Variants in ANK1 observed in about 807,000 individuals in gnomAD.
The protein encoded by ANK1 is ankyrin-1.
ANK1 carries 51 observed loss-of-function variants against 210.4 expected under a neutral mutation model. The ratio of observed to expected loss-of-function variants is 0.24; its 90% CI spans 0.19 to 0.31. The LOEUF (loss-of-function observed/expected upper bound fraction) is 0.31. ANK1 is among the 10% of genes least tolerant of loss of function. ANK1 has a pLI of 1.00. For missense variants in ANK1, 2,051 were observed against 2,504.4 expected (o/e 0.82, Z 3.86); for synonymous variants, 967 against 1,025.9 (o/e 0.94, Z 1.10).
rs1357021247 is a variant in ANK1 at position 41,654,774 on chromosome 8, C to T, written c.*1016G>A. On this transcript the variant is annotated 3_prime_UTR_variant, in exon 43 of 43. Transcript: ENST00000289734. Reference sequence around the variant, plus strand: ...GTACAGTTTACACTTTGAACACGGACTATGATATAGTGCTTGAAGACATAG... The same window carrying T: ...GTACAGTTTACACTTTGAACACGGATTATGATATAGTGCTTGAAGACATAG... 1 of 152,686 alleles carries T rather than the reference C, an allele frequency of 6.5e-6. No homozygotes were observed. The highest frequency in any genetic ancestry group is 1.5e-5 in the Non-Finnish European group (1 of 68,060). 9.5% of individuals were successfully genotyped at this position (152,686 alleles called of 1,614,324 possible). A position where few individuals can be genotyped will look rare whatever the true frequency, so the allele number is the denominator to read the frequency against.
intron 42 of ANK1, among the ~76,000 whole-genome samples, chr8:41,657,004 C>T (rs1247024498): frequency 6.6e-6 from 1 of 152,142 alleles, no homozygotes; most frequent in Non-Finnish European, 1.5e-5. Flanking sequence ...CCTCTGAACA[C>T]GCTCTACCCT....
chr8:41,681,033 C>T (rs901723386), intron 37 of ANK1, among the ~76,000 whole-genome samples: 3 of 152,182 alleles, frequency 2.0e-5, no homozygotes, highest in Non-Finnish European at 4.4e-5. Context: ...AGCATACAGT[C>T]AAGTGGTCCC....
In ANK1 at chr8:41,718,134, G is replaced by A. The variant is rs563833117; in HGVS notation, c.1178C>T (p.Thr393Met). 5.4e-5 allele frequency: 87 copies of A among 1,614,000 alleles called. No individual in the cohort carries two copies. The South Asian group carries it at 6.0e-4, about 11-fold the overall frequency. ...HVRVMELLLK[T>M]GASIDAVTES... ...GGTGACCGCGTCGATCGAGGCTCCC[G>A]TCTTCAGCAGCAGCTCCATGACACG... Residue 393 changes from threonine (T) to methionine (M), a missense_variant, in exon 11 of 43, where the codon ACG becomes ATG. Coordinates refer to ENST00000289734, the MANE Select transcript of ANK1 (RefSeq NM_000037.4).
rs1805436476 is a variant in ANK1 at position 41,655,764 on chromosome 8, C to A, written c.*37-11G>T. 2.5e-6 allele frequency: 4 copies of A among 1,613,776 alleles called. No homozygotes were observed. The highest frequency in any genetic ancestry group is 1.1e-5 in the South Asian group (1 of 91,072). ...TGTCGAGGTGTGATCCTGGGAGACA[C>A]AAAGAGAGAAGGAGTCACTTAGAAT... is the stretch of plus-strand genomic sequence containing the variant. On this transcript the variant is annotated splice_polypyrimidine_tract_variant and intron_variant, in intron 42 of 42. Transcript: ENST00000289734.
At chr8:41,869,679 CTG>C (rs1563937947) in intron 1 of ANK1, among the ~76,000 whole-genome samples, 1 of 152,206 alleles carries the variant, frequency 6.6e-6, no homozygotes, top group East Asian at 1.9e-4. Context: ...GAAAAGCACA[CTG>C]TGAGAACTCA....
At chr8:41,754,225 T>C (rs923488834) in intron 2 of ANK1, among the ~76,000 whole-genome samples, 1 of 152,238 alleles carries the variant, frequency 6.6e-6, no homozygotes, top group African/African-American at 2.4e-5. Flanking sequence ...AGGAAGTACA[T>C]TAGACACAGG....
chr8:41,858,079 A>T (rs1812554829), intron 1 of ANK1, among the ~76,000 whole-genome samples: 1 of 152,130 alleles, frequency 6.6e-6, no homozygotes, highest in Non-Finnish European at 1.5e-5. Flanking sequence ...AATAGTTTTT[A>T]AAAATTATCC....
chr8:41,838,665 C>A (rs1422229812), intron 1 of ANK1, among the ~76,000 whole-genome samples: 1 of 151,850 alleles, frequency 6.6e-6, no homozygotes, highest in East Asian at 1.9e-4. Flanking sequence ...ACTCAGGAGG[C>A]TGGGCAGGAG....
intron 12 of ANK1, among the ~76,000 whole-genome samples, 155 bp downstream of exon 12, chr8:41,717,449 G>A (rs1005629791): frequency 4.6e-4 from 70 of 152,204 alleles, no homozygotes; most frequent in African/African-American, 1.6e-3. Context: ...TCCAGAAAGC[G>A]TCAGTACACA....
chr8:41,803,053 A>C (rs1358440626), intron 1 of ANK1, among the ~76,000 whole-genome samples: 2 of 80,492 alleles, frequency 2.5e-5, no homozygotes, highest in Non-Finnish European at 5.3e-5. Context: ...GAAAGAAAGA[A>C]AGAGAGAAAG....
chr8:41,761,839 C>T (rs1040703808), intron 1 of ANK1, among the ~76,000 whole-genome samples: 1 of 152,102 alleles, frequency 6.6e-6, no homozygotes, highest in Non-Finnish European at 1.5e-5. Flanking sequence ...GACAGGGGGT[C>T]CTCCCTCCAC....
chr8:41,755,566 C>T (rs933227246), intron 2 of ANK1, among the ~76,000 whole-genome samples: 2 of 152,206 alleles, frequency 1.3e-5, no homozygotes, highest in African/African-American at 4.8e-5. Flanking sequence ...CCCAAGAATG[C>T]ATCCCAGGTG....
intron 1 of ANK1, among the ~76,000 whole-genome samples, chr8:41,818,608 T>C (rs986146215): frequency 6.6e-6 from 1 of 151,588 alleles, no homozygotes; most frequent in African/African-American, 2.4e-5. Context: ...TCCTTCTCTT[T>C]CCCTTTCTTT....
chr8:41,869,783 G>A (rs1299459494), intron 1 of ANK1, among the ~76,000 whole-genome samples: 1 of 152,188 alleles, frequency 6.6e-6, no homozygotes, highest in Admixed American at 6.5e-5. Context: ...GCAATTTGCT[G>A]ACCCAGGTTA....
At chr8:41,861,247 C>A (rs764857429) in intron 1 of ANK1, among the ~76,000 whole-genome samples, 16 of 152,184 alleles carry the variant, frequency 1.1e-4, no homozygotes, top group Non-Finnish European at 1.3e-4. Flanking sequence ...ATGTTTCCAG[C>A]ATGCAATGTT....
At chr8:41,767,879 C>T (rs1198742081) in intron 1 of ANK1, among the ~76,000 whole-genome samples, 1 of 152,210 alleles carries the variant, frequency 6.6e-6, no homozygotes, top group Non-Finnish European at 1.5e-5. Context: ...GCTCAGCAAA[C>T]TCTATTTATG....
intron 2 of ANK1, among the ~76,000 whole-genome samples, chr8:41,756,316 T>C (rs551154664): frequency 1.3e-5 from 2 of 150,722 alleles, no homozygotes; most frequent in Admixed American, 6.6e-5. Context: ...CGGCTAATTT[T>C]AGTATTTTTA....
rs1293227778 is a variant in ANK1, at chr8:41,694,010, C to T, written c.3420G>A (p.Lys1140=). ...TCCGAAGCCCAATGGGGCGGTGGAA[C>T]TTCCGGCGCCGGGGCTCCACGGTGA... ...PIVTVEPRRR[K]FHRPIGLRIP... is the part of the protein sequence containing the mutation. The change falls in exon 29 of 43, where the codon AAG becomes AAA. Residue 1140 remains lysine (K), a synonymous_variant. Transcript: ENST00000289734. This position sits in a 1 kb window ranked among gnomAD's most constrained non-coding sequence, Gnocchi z 5.7. The T allele has an allele frequency of 6.2e-7, 1 of 1,614,092 alleles. No homozygotes were observed. Among genetic ancestry groups the T allele is most frequent in the South Asian group, 1.1e-5 (1 of 91,068 alleles).
At chr8:41,667,390 C>T (rs752494358) in intron 39 of ANK1, among the ~76,000 whole-genome samples, 7 of 152,152 alleles carry the variant, frequency 4.6e-5, no homozygotes, top group Non-Finnish European at 7.3e-5. Flanking sequence ...CAGAACATGT[C>T]GTTCATGTAC....
Sources: gnomAD v4.1 joint callset for allele counts (sites outside exome capture counted in the v4.1 genomes callset) on GRCh38, gnomAD v4.1.1 for gene constraint, Gnocchi (gnomAD v3.1) non-coding constraint, MANE v1.5 for transcripts, NCBI Gene and HGNC (gene_info 2026-07-23, HGNC 2026-07-21) for gene names.